The following GRK1 variants were observed in gnomAD, a reference collection of about 807,000 sequenced individuals.
GRK1 encodes the protein rhodopsin kinase GRK1.
Under a neutral mutation model 41.7 loss-of-function variants are expected in GRK1, and 28 were observed. The observed-to-expected ratio is 0.67, with a 90% CI of 0.50 to 0.92. GRK1 has a LOEUF of 0.92. Ranked by LOEUF, GRK1 falls within the 40% of genes least tolerant of loss-of-function variation. The probability of loss-of-function intolerance (pLI) is 0.00; values close to 1 mark genes in which losing one functional copy is unlikely to be tolerated. For missense variants in GRK1, 703 were observed against 671.2 expected, an observed-to-expected ratio of 1.05 and a Z score of -0.52; for synonymous variants, 327 against 286.7, an observed-to-expected ratio of 1.14 and a Z score of -1.42.
rs1465061122 is a variant in GRK1 at position 113,671,805 on chromosome 13, G to A, written c.985+149G>A. 1.5e-6 allele frequency: 1 copy of A among 649,982 alleles called. No homozygotes were observed. Among genetic ancestry groups the A allele is most frequent in the Non-Finnish European group, 2.8e-6 (1 of 356,772 alleles). 40.3% of individuals were successfully genotyped at this position (649,982 alleles called of 1,614,324 possible). ...GCTGACGGCTTCGTGGACGGTGGAGGTGTCATCGGGCACCAGGAGTCACAG... is the reference window on the plus strand; with the variant it reads ...GCTGACGGCTTCGTGGACGGTGGAGATGTCATCGGGCACCAGGAGTCACAG... On this transcript the variant is annotated intron_variant, in intron 3 of 6. Coordinates refer to ENST00000335678, the MANE Select transcript of GRK1 (RefSeq NM_002929.3). The surrounding 1 kb of genome is among the most constrained non-coding windows in gnomAD (Gnocchi z 4.1).
chr13:113,733,357 C>T (rs1326947805), intron 6 of GRK1, among the ~76,000 whole-genome samples: 1 of 152,250 alleles, frequency 6.6e-6, no homozygotes. Flanking sequence ...CCAAACCTTC[C>T]ACCACGTCCC....
At chr13:113,730,558 G>A (rs1366477418) in intron 4 of GRK1, among the ~76,000 whole-genome samples, 6 of 147,358 alleles carry the variant, frequency 4.1e-5, no homozygotes, top group Admixed American at 4.0e-4. Context: ...CTGCGGCTGC[G>A]CCCAGAGCCC....
the GRK1 span, chr13:113,658,034 C>T: frequency 1.4e-5 from 23 of 1,598,748 alleles, no homozygotes; most frequent in Non-Finnish European, 2.0e-5. Context: ...CGCACGTACC[C>T]CACCGGGACA....
rs1401515701 is a variant in GRK1 at position 113,726,816 on chromosome 13, C to T, written c.1069+3659C>T. Among the ~76,000 whole-genome samples the T allele has an allele frequency of 3.3e-5, 5 of 152,208 alleles. No individual in the cohort carries two copies. In the South Asian group the frequency reaches 6.2e-4, roughly 19 times the overall value. ...CCCCGGAGTCTGGGCAGAATTCTGA[C>T]GTCCGTGTAATCCTGGACCAGTAGG... On this transcript the variant is annotated intron_variant, in intron 4 of 6. Coordinates refer to ENST00000335678, the MANE Select transcript of GRK1 (RefSeq NM_002929.3).
chr13:113,664,069 T>TG (rs2049803872), upstream of GRK1, among the ~76,000 whole-genome samples: 1 of 152,120 alleles, frequency 6.6e-6, no homozygotes, highest in Non-Finnish European at 1.5e-5. The surrounding 1 kb of genome is among the most constrained non-coding windows in gnomAD (Gnocchi z 5.4). Context: ...CTCTCCTCTG[T>TG]GGAGCACACC....
chr13:113,650,608 G>A, the GRK1 span: 2 of 834,406 alleles, frequency 2.4e-6, no homozygotes, highest in African/African-American at 1.7e-5. The surrounding 1 kb of genome is among the most constrained non-coding windows in gnomAD (Gnocchi z 5.0). Context: ...CGCTGTGTAG[G>A]TGCTTGCATA....
intron 4 of GRK1, chr13:113,726,541 G>C (rs2049889825): frequency 6.2e-6 from 1 of 160,974 alleles, no homozygotes; most frequent in Non-Finnish European, 1.4e-5. Flanking sequence ...AGAGCAGGTA[G>C]AGCTGTCTCC....
chr13:113,651,745 G>C, the GRK1 span: 1 of 1,612,550 alleles, frequency 6.2e-7, no homozygotes, highest in Non-Finnish European at 8.5e-7. Flanking sequence ...GGAAAAGCTT[G>C]AGCGTGGCCG....
the GRK1 span, among the ~76,000 whole-genome samples, chr13:113,655,829 CA>C: frequency 6.6e-6 from 1 of 152,192 alleles, no homozygotes; most frequent in Non-Finnish European, 1.5e-5. Context: ...AAAACACAAC[CA>C]AAGGGCAGGA....
Position 113,667,635 on chromosome 13 carries a change from G to A in GRK1, c.249G>A (p.Leu83=). 6.2e-7 allele frequency: 1 copy of A among 1,613,568 alleles called. No individual in the cohort carries two copies. The highest frequency in any genetic ancestry group is 8.5e-7 in the Non-Finnish European group (1 of 1,179,904). The change falls in exon 1 of 7, where the codon CTG becomes CTA. Residue 83 remains leucine (L), a synonymous_variant. Coordinates refer to ENST00000335678, the MANE Select transcript of GRK1 (RefSeq NM_002929.3). This position sits in a 1 kb window ranked among gnomAD's most constrained non-coding sequence, Gnocchi z 7.5. Reference sequence around the variant, plus strand: ...TCCTACAATCGGCAGAGAAGCACCTGCCGGCCCTGGAGCTCTGGAAAGACA... The same window carrying A: ...TCCTACAATCGGCAGAGAAGCACCTACCGGCCCTGGAGCTCTGGAAAGACA... ...QQFLQSAEKH[L]PALELWKDIE...
At chr13:113,658,119 G>C in the GRK1 span, 1 of 1,612,904 alleles carries the variant, frequency 6.2e-7, no homozygotes, top group Non-Finnish European at 8.5e-7. Context: ...CTGGCCACAC[G>C]TCTTCTTCTC....
At chr13:113,734,804 T>C in intron 6 of GRK1, 1 of 370,864 alleles carries the variant, frequency 2.7e-6, no homozygotes, top group Admixed American at 4.4e-5. Flanking sequence ...CGCCAGGTCC[T>C]TTCACAAGAA....
chr13:113,649,271 T>C, the GRK1 span: 1 of 1,392,022 alleles, frequency 7.2e-7, no homozygotes, highest in Non-Finnish European at 9.7e-7. The surrounding 1 kb of genome is among the most constrained non-coding windows in gnomAD (Gnocchi z 4.7). Context: ...CCAAACCACT[T>C]TGGGGATGAT....
At chr13:113,649,078 GT>G in the GRK1 span, 1 of 249,656 alleles carries the variant, frequency 4.0e-6, no homozygotes, top group Non-Finnish European at 7.9e-6. The surrounding 1 kb of genome is among the most constrained non-coding windows in gnomAD (Gnocchi z 4.7). Flanking sequence ...AAGACGAATC[GT>G]TTTTATGACC....
At chr13:113,733,751 G>A (rs2049965341) in intron 6 of GRK1, among the ~76,000 whole-genome samples, 1 of 116,440 alleles carries the variant, frequency 8.6e-6, no homozygotes, top group South Asian at 2.3e-4. Context: ...GTGCATACAT[G>A]TGTGTGCGTG....
At chr13:113,665,840 G>T (rs2049814602), upstream of GRK1, among the ~76,000 whole-genome samples, 1 of 148,908 alleles carries the variant, frequency 6.7e-6, no homozygotes, top group South Asian at 2.1e-4. Flanking sequence ...GGTGTCTCAG[G>T]TGTGCCCAAG....
chr13:113,667,158 C>T (rs1440066735), upstream of GRK1: 6 of 524,898 alleles, frequency 1.1e-5, no homozygotes, highest in South Asian at 1.3e-4. This position sits in a 1 kb window ranked among gnomAD's most constrained non-coding sequence, Gnocchi z 7.5. Flanking sequence ...AAGCGTCCTC[C>T]GTGACCCCGG....
In GRK1 at chr13:113,671,406, G is replaced by A. The variant is rs375111488; in HGVS notation, c.828-93G>A. The A allele has an allele frequency of 8.2e-5, 62 of 753,318 alleles. No homozygotes were observed. Among genetic ancestry groups the A allele is most frequent in the South Asian group, 6.0e-4 (44 of 72,816 alleles). 46.7% of individuals were successfully genotyped at this position (753,318 alleles called of 1,614,324 possible). On this transcript the variant is annotated intron_variant, in intron 2 of 6. Coordinates refer to ENST00000335678, the MANE Select transcript of GRK1 (RefSeq NM_002929.3). This position sits in a 1 kb window ranked among gnomAD's most constrained non-coding sequence, Gnocchi z 4.1. ...CCTCAAAACGACCAGAACGCTGGCCGAGAGACATGGTTCTGAGGCCCCAGC... is the reference window on the plus strand; with the variant it reads ...CCTCAAAACGACCAGAACGCTGGCCAAGAGACATGGTTCTGAGGCCCCAGC...
At position 113,671,652 on chromosome 13, in the gene GRK1, T is replaced by C. The variant is rs1379758344; in HGVS notation, c.981T>C (p.Asn327=). 4.0e-6 allele frequency: 3 copies of C among 759,350 alleles called. No homozygotes were observed. The highest frequency in any genetic ancestry group is 3.4e-5 in the African/African-American group (2 of 58,824). 47.0% of individuals were successfully genotyped at this position (759,350 alleles called of 1,614,324 possible). ...DLKPENVLLD[N]DGNVRISDLG... is the part of the protein sequence containing the mutation. The stretch of plus-strand genomic sequence containing the variant: ...AGCCCGAGAACGTGCTGCTGGACAA[T>C]GACGGTAGGAGGTGCCCTCGGCTGG... Residue 327 remains asparagine, a synonymous_variant, in exon 3 of 7, where the codon AAT becomes AAC. Transcript: ENST00000335678. The surrounding 1 kb of genome is among the most constrained non-coding windows in gnomAD (Gnocchi z 4.1).
Sources: allele counts gnomAD v4.1 joint callset (sites outside exome capture counted in the v4.1 genomes callset), GRCh38; gene constraint gnomAD v4.1.1; non-coding constraint Gnocchi (gnomAD v3.1); transcripts MANE v1.5; gene names NCBI Gene and HGNC (gene_info 2026-07-23, HGNC 2026-07-21).